The following FBXW11 variants were observed in gnomAD, a reference collection of about 807,000 sequenced individuals.
FBXW11 encodes the protein F-box/WD repeat-containing protein 11.
A neutral mutation model predicts 77.6 loss-of-function variants in FBXW11; 19 were observed. The ratio of observed to expected loss-of-function variants is 0.24; its 90% CI spans 0.17 to 0.36. FBXW11 has a LOEUF of 0.36. Ranked by LOEUF, FBXW11 falls within the 10% of genes least tolerant of loss-of-function variation. FBXW11 has a pLI of 1.00. For missense variants in FBXW11, 334 were observed against 704.2 expected (o/e 0.47, Z 5.95); for synonymous variants, 235 against 249.4 (o/e 0.94, Z 0.54).
At position 171,869,707 on chromosome 5, in the gene FBXW11, C is replaced by A; in HGVS notation, c.1530+22G>T. ...CATCCTCCAGCACAGGGAACCAATTCCCGTCTCAAGAGATCACATACCACC... is the reference window on the plus strand; with the variant it reads ...CATCCTCCAGCACAGGGAACCAATTACCGTCTCAAGAGATCACATACCACC... On this transcript the variant is annotated intron_variant, in intron 12 of 13. Transcript: ENST00000517395. This position sits in a 1 kb window ranked among gnomAD's most constrained non-coding sequence, Gnocchi z 4.1. The A allele has an allele frequency of 1.3e-6, 2 of 1,585,712 alleles. No individual in the cohort carries two copies. The highest frequency in any genetic ancestry group is 1.1e-5 in the South Asian group (1 of 88,018).
intron 1 of FBXW11, among the ~76,000 whole-genome samples, chr5:172,003,719 A>AGAAATTTAAC (rs1766558353): frequency 6.6e-6 from 1 of 152,218 alleles, no homozygotes; most frequent in Non-Finnish European, 1.5e-5. Flanking sequence ...AGTGGGGGTT[A>AGAAATTTAAC]TATTTTAGAA....
intron 6 of FBXW11, among the ~76,000 whole-genome samples, chr5:171,895,656 T>C (rs1271384466): frequency 6.6e-6 from 1 of 152,194 alleles, no homozygotes; most frequent in Non-Finnish European, 1.5e-5. Flanking sequence ...AGGGCTGTTA[T>C]AACAACTCCT....
intron 4 of FBXW11, among the ~76,000 whole-genome samples, chr5:171,902,843 C>G (rs1760224494): frequency 6.6e-6 from 1 of 152,202 alleles, no homozygotes; most frequent in Non-Finnish European, 1.5e-5. Context: ...AATATCTTCA[C>G]ATCTTTCTCA....
At position 171,911,112 on chromosome 5, in the gene FBXW11, T is replaced by G. The variant is rs552744971; in HGVS notation, c.211-315A>C. The stretch of plus-strand genomic sequence containing the variant: ...GGTATCTCTATACACGGGATATATA[T>G]GAATTATCATCTCCAAAGATAGCTA... On this transcript the variant is annotated intron_variant, in intron 3 of 13. Transcript: ENST00000517395. Among the ~76,000 whole-genome samples, 14 of 152,354 alleles carry G rather than the reference T, an allele frequency of 9.2e-5. No homozygotes were observed. In the East Asian group the frequency reaches 2.7e-3, roughly 29 times the overall value.
intron 1 of FBXW11, among the ~76,000 whole-genome samples, chr5:171,959,249 T>C (rs577733076): frequency 1.3e-3 from 202 of 152,092 alleles, no homozygotes; most frequent in Non-Finnish European, 2.6e-3. Flanking sequence ...CAATATATCA[T>C]TGAAACTCCA....
chr5:171,988,030 G>A (rs1277685657), intron 1 of FBXW11, among the ~76,000 whole-genome samples: 2 of 152,152 alleles, frequency 1.3e-5, no homozygotes, highest in African/African-American at 4.8e-5. Flanking sequence ...ATGGGGCCAT[G>A]ATACCGACAA....
At chr5:171,945,836 T>C (rs1374617332) in intron 2 of FBXW11, among the ~76,000 whole-genome samples, 1 of 152,220 alleles carries the variant, frequency 6.6e-6, no homozygotes, top group Non-Finnish European at 1.5e-5. Flanking sequence ...TCACCTTTTC[T>C]TTCATTTCAT....
chr5:171,913,631 T>C (rs1273869391), intron 3 of FBXW11, among the ~76,000 whole-genome samples: 3 of 152,184 alleles, frequency 2.0e-5, no homozygotes, highest in African/African-American at 7.2e-5. Flanking sequence ...TGCTAACTAA[T>C]CTATCTTTTC....
intron 7 of FBXW11, among the ~76,000 whole-genome samples, chr5:171,881,531 T>C (rs1353129215): frequency 6.6e-6 from 1 of 152,246 alleles, no homozygotes; most frequent in Non-Finnish European, 1.5e-5. Context: ...CATGAAGATA[T>C]TGGTCTGTGG....
intron 2 of FBXW11, among the ~76,000 whole-genome samples, chr5:171,936,896 A>C (rs2113133053): frequency 6.6e-6 from 1 of 152,342 alleles, no homozygotes; most frequent in South Asian, 2.1e-4. Flanking sequence ...TCTGATCAAA[A>C]GATAATAAAA....
intron 1 of FBXW11, chr5:171,996,851 G>C (rs1186548020): frequency 1.1e-5 from 13 of 1,218,590 alleles, no homozygotes; most frequent in Non-Finnish European, 1.4e-5. Flanking sequence ...TCAGCGAGTT[G>C]AGTTCCACAA....
At position 171,940,896 on chromosome 5, in the gene FBXW11, A is replaced by AAAAG. The variant is rs61507680; in HGVS notation, c.147+16700_147+16701insCTTT. 5.0e-3 allele frequency among the ~76,000 whole-genome samples: 746 copies of AAAAG among 149,830 alleles called. 10 individuals are homozygous for AAAAG. Among genetic ancestry groups the AAAAG allele is most frequent in the African/African-American group, 0.014 (571 of 40,920 alleles). ...GCAAGACTCCGTCTCAAAAAAAAAA[A>AAAAG]GATACAGACGCTGACCTGAAAAGGC... On this transcript the variant is annotated intron_variant, in intron 2 of 13. Coordinates refer to ENST00000517395, the MANE Select transcript of FBXW11 (RefSeq NM_001378974.1).
intron 2 of FBXW11, among the ~76,000 whole-genome samples, chr5:171,934,624 C>G (rs1762376745): frequency 6.6e-6 from 1 of 150,414 alleles, no homozygotes; most frequent in South Asian, 2.1e-4. Flanking sequence ...TTGCAGCGAG[C>G]CAAGATAGCG....
chr5:171,924,702 G>A (rs930800055), intron 2 of FBXW11, among the ~76,000 whole-genome samples: 8 of 152,116 alleles, frequency 5.3e-5, no homozygotes, highest in South Asian at 2.1e-4. Context: ...CCCAGGAGCC[G>A]TGGGCCAGAG....
chr5:171,928,719 T>C (rs534835159), intron 2 of FBXW11, among the ~76,000 whole-genome samples: 15 of 152,350 alleles, frequency 9.8e-5, no homozygotes, highest in African/African-American at 3.6e-4. Flanking sequence ...TGGAACATTT[T>C]CCCCTTGTCC....
chr5:171,883,517 T>TA (rs1758664993), intron 7 of FBXW11, among the ~76,000 whole-genome samples: 1 of 152,114 alleles, frequency 6.6e-6, no homozygotes, highest in South Asian at 2.1e-4. Flanking sequence ...CCCTAAAACT[T>TA]AAAGTATAAT....
intron 2 of FBXW11, among the ~76,000 whole-genome samples, chr5:171,916,975 C>T (rs541011441): frequency 8.5e-5 from 13 of 152,238 alleles, no homozygotes; most frequent in African/African-American, 3.1e-4. Flanking sequence ...GGCTGGAGTG[C>T]AACGGTGTGA....
intron 7 of FBXW11, among the ~76,000 whole-genome samples, chr5:171,891,141 G>C (rs1759318504): frequency 6.6e-6 from 1 of 152,068 alleles, no homozygotes; most frequent in African/African-American, 2.4e-5. Context: ...ACCATAAAAG[G>C]TAACACCTTT....
intron 1 of FBXW11, among the ~76,000 whole-genome samples, chr5:171,995,328 T>C (rs1206337253): frequency 6.6e-6 from 1 of 152,246 alleles, no homozygotes; most frequent in African/African-American, 2.4e-5. Flanking sequence ...CACATCTTGA[T>C]ATTTAAATGC....
Sources: allele counts gnomAD v4.1 joint callset (sites outside exome capture counted in the v4.1 genomes callset), GRCh38; gene constraint gnomAD v4.1.1; non-coding constraint Gnocchi (gnomAD v3.1); transcripts MANE v1.5; gene names NCBI Gene and HGNC (gene_info 2026-07-23, HGNC 2026-07-21).